SYT7: variants seen among roughly 807,000 people sequenced by gnomAD.
The protein encoded by SYT7 is synaptotagmin 7.
Under a neutral mutation model 75.1 loss-of-function variants are expected in SYT7, and 29 were observed. The ratio of observed to expected loss-of-function variants is 0.39; its 90% confidence interval spans 0.29 to 0.53. SYT7 has a LOEUF of 0.53. Ranked by LOEUF, SYT7 falls within the 20% of genes least tolerant of loss-of-function variation. SYT7 has a pLI of 0.77. For synonymous variants in SYT7, 376 were observed against 401.7 expected, an observed-to-expected ratio of 0.94 and a Z score of 0.76; for missense variants, 693 against 953.2, an observed-to-expected ratio of 0.73 and a Z score of 3.59.
At chr11:61,530,357 A>G (rs2062668207) in intron 8 of SYT7, among the ~76,000 whole-genome samples, 1 of 151,798 alleles carries the variant, frequency 6.6e-6, no homozygotes, top group African/African-American at 2.4e-5. Context: ...TGCAAGCGCC[A>G]CCGCAGGCCC....
rs1032179319 is a variant in SYT7, at chr11:61,528,305, C to T, written c.1201-120G>A. The T allele has an allele frequency of 7.9e-5, 100 of 1,265,522 alleles. 1 individual carries two copies. In the Admixed American group the frequency reaches 1.5e-3, roughly 19 times the overall value. The allele number at this position is 1,265,522 out of a possible 1,614,324, so 78.4% of individuals were successfully genotyped here. A position where few individuals can be genotyped will look rare whatever the true frequency, so the allele number is the denominator to read the frequency against. ...TGGCCCAGCCCACACTCACATCCCA[C>T]GGACGCTGCTCAGGCTCAGAGGGCA... On this transcript the variant is annotated intron_variant, in intron 8 of 12. Transcript: ENST00000539008.
chr11:61,567,251 G>T (rs2063794599), intron 1 of SYT7, among the ~76,000 whole-genome samples: 1 of 152,176 alleles, frequency 6.6e-6, no homozygotes. Context: ...CTGGAATGCA[G>T]GGTCTAAGAT....
intron 7 of SYT7, among the ~76,000 whole-genome samples, chr11:61,536,064 T>C (rs947526764): frequency 1.3e-5 from 2 of 152,038 alleles, no homozygotes; most frequent in African/African-American, 2.4e-5. Flanking sequence ...TCTGGACCCC[T>C]GTGGCAGCCC....
Position 61,542,153 on chromosome 11 carries a change from G to T in SYT7, c.941+58C>A, listed in dbSNP as rs930015823. ...AACCAGCTGCTCCCAAGGAGATCTGGGGGGCAGGAGGCTGGGTCAGGGAGG... is the reference window on the plus strand; with the variant it reads ...AACCAGCTGCTCCCAAGGAGATCTGTGGGGCAGGAGGCTGGGTCAGGGAGG... On this transcript the variant is annotated intron_variant, in intron 6 of 12. Coordinates refer to ENST00000539008, the MANE Select transcript of SYT7 (RefSeq NM_001365809.2). The surrounding 1 kb of genome is among the most constrained non-coding windows in gnomAD (Gnocchi z 7.8). The T allele has an allele frequency of 2.7e-6, 4 of 1,501,474 alleles. No homozygotes were observed. The highest frequency in any genetic ancestry group is 4.2e-5 in the Admixed American group (2 of 47,632). 93.0% of individuals were successfully genotyped at this position (1,501,474 alleles called of 1,614,324 possible).
Position 61,551,594 on chromosome 11 carries a change from C to A in SYT7, c.136-131G>T. The stretch of plus-strand genomic sequence containing the variant: ...TGGCAACAAGGCCAGGACCAGTGTG[C>A]GAGGCTGTCACCGCGGTGGGGGCCA... On this transcript the variant is annotated intron_variant, in intron 2 of 12. Transcript: ENST00000539008. This position sits in a 1 kb window ranked among gnomAD's most constrained non-coding sequence, Gnocchi z 5.3. 1 of 901,498 alleles carries A rather than the reference C, an allele frequency of 1.1e-6. No homozygotes were observed. The highest frequency in any genetic ancestry group is 2.6e-5 in the East Asian group (1 of 38,798). The allele number at this position is 901,498 out of a possible 1,614,324, so 55.8% of individuals were successfully genotyped here.
the SYT7 span, among the ~76,000 whole-genome samples, chr11:61,587,613 T>G: frequency 6.6e-6 from 1 of 152,220 alleles, no homozygotes; most frequent in Non-Finnish European, 1.5e-5. Context: ...AAGGCGCGCC[T>G]GGGCTGAGTC....
Position 61,523,978 on chromosome 11 carries a change from C to A in SYT7, c.1642-37G>T. ...GACAGGAGGGGTGTGGGGAACTAGG[C>A]TAGCAGAGCTCTCTGATTGGCCTAG... On this transcript the variant is annotated intron_variant, in intron 10 of 12. Transcript: ENST00000539008. This position sits in a 1 kb window ranked among gnomAD's most constrained non-coding sequence, Gnocchi z 5.0. 1 of 1,592,100 alleles carries A rather than the reference C, an allele frequency of 6.3e-7. No individual in the cohort carries two copies. Among genetic ancestry groups the A allele is most frequent in the Non-Finnish European group, 8.6e-7 (1 of 1,160,574 alleles).
intron 2 of SYT7, among the ~76,000 whole-genome samples, chr11:61,554,276 T>A (rs2063430262): frequency 6.6e-6 from 1 of 151,702 alleles, no homozygotes; most frequent in African/African-American, 2.4e-5. Flanking sequence ...GTCCTGGAAG[T>A]CATCTCTCAC....
At chr11:61,541,005 T>C (rs905488516) in intron 6 of SYT7, 16 of 985,540 alleles carry the variant, frequency 1.6e-5, no homozygotes, top group Non-Finnish European at 1.9e-5. Context: ...AGGCAGCATG[T>C]CTTGCTGGCC....
chr11:61,521,575 G>A (rs976163447), intron 12 of SYT7, among the ~76,000 whole-genome samples: 5 of 152,164 alleles, frequency 3.3e-5, no homozygotes, highest in African/African-American at 4.8e-5. Context: ...ATGGCAAGCA[G>A]GGGAAGCTCT....
intron 1 of SYT7, among the ~76,000 whole-genome samples, chr11:61,579,433 A>G (rs1042460210): frequency 3.9e-5 from 6 of 152,228 alleles, no homozygotes; most frequent in African/African-American, 1.4e-4. Context: ...GTTCCAGAGA[A>G]GGAGACTGAA....
chr11:61,568,747 A>C lies in SYT7; in HGVS notation c.31+12043T>G, dbSNP rs142141798. Among the ~76,000 whole-genome samples the C allele has an allele frequency of 7.4e-3, 1,127 of 152,322 alleles. 8 individuals carry two copies. The highest frequency in any genetic ancestry group is 0.025 in the African/African-American group (1,054 of 41,570). ...CCACCATCCTCACCTCTTGGCTGAG[A>C]GCCACATGAAGGAAGAGAGTAACAC... On this transcript the variant is annotated intron_variant, in intron 1 of 12. Transcript: ENST00000539008.
chr11:61,538,320 CG>C, intron 6 of SYT7, 54 bp from the exon 7 acceptor site: 1 of 929,336 alleles, frequency 1.1e-6, no homozygotes, highest in East Asian at 8.8e-5. Flanking sequence ...GCCCCGTGGG[CG>C]GGGGCAGGGG....
chr11:61,559,898 G>A (rs958368528), intron 1 of SYT7, among the ~76,000 whole-genome samples: 2 of 152,150 alleles, frequency 1.3e-5, no homozygotes, highest in African/African-American at 2.4e-5. Context: ...TAGGTTTGGG[G>A]TCTAGGAGAA....
rs1443448597 is a variant in SYT7, at chr11:61,542,175, G to A, written c.941+36C>T. 6.6e-7 allele frequency: 1 copy of A among 1,522,032 alleles called. No individual in the cohort carries two copies. The highest frequency in any genetic ancestry group is 8.8e-7 in the Non-Finnish European group (1 of 1,140,642). 94.3% of individuals were successfully genotyped at this position (1,522,032 alleles called of 1,614,324 possible). A position where few individuals can be genotyped will look rare whatever the true frequency, so the allele number is the denominator to read the frequency against. ...CTGGGGGGCAGGAGGCTGGGTCAGG[G>A]AGGTGGGGGCCGGCCCGCTCAAGGG... On this transcript the variant is annotated intron_variant, in intron 6 of 12. Coordinates refer to ENST00000539008, the MANE Select transcript of SYT7 (RefSeq NM_001365809.2). This position sits in a 1 kb window ranked among gnomAD's most constrained non-coding sequence, Gnocchi z 7.8.
At chr11:61,536,772 G>A (rs747111550) in intron 7 of SYT7, among the ~76,000 whole-genome samples, 4 of 152,204 alleles carry the variant, frequency 2.6e-5, no homozygotes, top group African/African-American at 7.2e-5. Context: ...GGACAGGCAA[G>A]CCAGCCATCT....
chr11:61,524,756 T>A lies in SYT7; in HGVS notation c.1472-224A>T, dbSNP rs2062459097. The A allele has an allele frequency of 4.1e-6, 2 of 489,960 alleles. No individual in the cohort carries two copies. The highest frequency in any genetic ancestry group is 2.0e-5 in the African/African-American group (1 of 50,100). 30.4% of individuals were successfully genotyped at this position (489,960 alleles called of 1,614,324 possible). ...CAACAATTCTCCAAGGTGAATGGCA[T>A]CTCGTCCATCTTACAGATGAGGCTC... On this transcript the variant is annotated intron_variant, in intron 9 of 12. Transcript: ENST00000539008. This position sits in a 1 kb window ranked among gnomAD's most constrained non-coding sequence, Gnocchi z 4.1.
At position 61,514,569 on chromosome 11, in the gene SYT7, A is replaced by T. The variant is rs2062109906; in HGVS notation, c.*4058T>A. Among the ~76,000 whole-genome samples the T allele has an allele frequency of 6.6e-6, 1 of 151,990 alleles. No homozygotes were observed. The highest frequency in any genetic ancestry group is 2.4e-5 in the African/African-American group (1 of 41,362). ...CACCTTCCTTCTGAAGTACCCTGAGAGCTGCGGGGGCTCAGCTTCCCCTGG... is the reference window on the plus strand; with the variant it reads ...CACCTTCCTTCTGAAGTACCCTGAGTGCTGCGGGGGCTCAGCTTCCCCTGG... On this transcript the variant is annotated 3_prime_UTR_variant, in exon 13 of 13. Coordinates refer to ENST00000539008, the MANE Select transcript of SYT7 (RefSeq NM_001365809.2).
chr11:61,522,861 C>G (rs1370848478), intron 12 of SYT7, among the ~76,000 whole-genome samples: 1 of 152,176 alleles, frequency 6.6e-6, no homozygotes, highest in Non-Finnish European at 1.5e-5. Flanking sequence ...AGCTGACTTA[C>G]CCATAGGAGG....
Sources: allele counts gnomAD v4.1 joint callset (sites outside exome capture counted in the v4.1 genomes callset), GRCh38; gene constraint gnomAD v4.1.1; non-coding constraint Gnocchi (gnomAD v3.1); transcripts MANE v1.5; gene names NCBI Gene and HGNC (gene_info 2026-07-23, HGNC 2026-07-21).